CEP290: variants seen among roughly 807,000 people sequenced by gnomAD.
CEP290 encodes centrosomal protein of 290 kDa.
Under a neutral mutation model 344.9 loss-of-function variants are expected in CEP290, and 317 were observed. That is an observed-to-expected ratio of 0.92 (90% CI 0.84 to 1.01). CEP290 has a LOEUF of 1.01. CEP290 is among the 50% of genes least tolerant of loss of function. The pLI, the probability that CEP290 is intolerant of heterozygous loss-of-function variation, is 0.00. For missense variants in CEP290, 2,754 were observed against 2,761.4 expected (o/e 1.00, Z 0.06); for synonymous variants, 932 against 895.8 (o/e 1.04, Z -0.72).
At chr12:88,088,225 A>T (rs147453313) in intron 31 of CEP290, among the ~76,000 whole-genome samples, 129 of 152,328 alleles carry the variant, frequency 8.5e-4, no homozygotes, top group Non-Finnish European at 1.6e-3. Context: ...CACTGACTAT[A>T]AGCAGGTCAT....
intron 11 of CEP290, among the ~76,000 whole-genome samples, chr12:88,127,710 AC>A (rs1222307791): frequency 6.6e-6 from 1 of 152,216 alleles, no homozygotes; most frequent in African/African-American, 2.4e-5. Context: ...GACAATTACA[AC>A]ACTTGCAGCA....
rs953138801 is a variant in CEP290 at position 88,085,481 on chromosome 12, CTTT to C, written c.4437+555_4437+557del. On this transcript the variant is annotated intron_variant, in intron 34 of 53. Coordinates refer to ENST00000552810, the MANE Select transcript of CEP290 (RefSeq NM_025114.4). ...ATGTACAGTTTTACTTGAAAAACTT[CTTT>C]ATGTATATTTTAAATGTATTTGCAG... is the stretch of plus-strand genomic sequence containing the variant. Among the ~76,000 whole-genome samples the C allele has an allele frequency of 7.9e-5, 12 of 152,110 alleles. 1 individual carries two copies. Among genetic ancestry groups the C allele is most frequent in the African/African-American group, 2.4e-4 (10 of 41,552 alleles).
intron 30 of CEP290, 134 bp from the exon 31 acceptor site, chr12:88,089,621 T>C (rs2036865091): frequency 1.8e-6 from 1 of 566,796 alleles, no homozygotes; most frequent in East Asian, 3.1e-5. Flanking sequence ...AAATGTAACT[T>C]TGCTTTAATA....
chr12:88,060,744 A>G (rs1348490165), intron 47 of CEP290, 86 bp downstream of exon 47: 3 of 981,144 alleles, frequency 3.1e-6, no homozygotes, highest in African/African-American at 3.3e-5. Context: ...GCCATTTTAT[A>G]TAGTAATGAG....
chr12:88,123,413 A>G (rs766779085), intron 13 of CEP290, among the ~76,000 whole-genome samples: 5 of 152,126 alleles, frequency 3.3e-5, no homozygotes, highest in Admixed American at 6.6e-5. Context: ...ACCAAAAATG[A>G]CCATTGCTAA....
chr12:88,077,683 A>C lies in CEP290; in HGVS notation c.5586+14T>G, dbSNP rs2035880486. ...TTGTAAATCAGACATTATCAGAGTT[A>C]AATATAAAATTACCTGTAATCCACT... On this transcript the variant is annotated intron_variant, in intron 40 of 53. Transcript: ENST00000552810. The C allele has an allele frequency of 7.2e-7, 1 of 1,386,320 alleles. No individual in the cohort carries two copies. The highest frequency in any genetic ancestry group is 2.3e-5 in the East Asian group (1 of 42,792). The allele number at this position is 1,386,320 out of a possible 1,614,324, so 85.9% of individuals were successfully genotyped here.
At chr12:88,083,709 T>A in intron 36 of CEP290, 138 bp downstream of exon 36, 4 of 632,576 alleles carry the variant, frequency 6.3e-6, no homozygotes, top group Non-Finnish European at 1.1e-5. Context: ...GGAGGAAGAA[T>A]GATCAGAGCT....
intron 22 of CEP290, among the ~76,000 whole-genome samples, chr12:88,110,114 T>C (rs1307099664): frequency 6.6e-6 from 1 of 152,070 alleles, no homozygotes; most frequent in Admixed American, 6.6e-5. Flanking sequence ...TCAAGTATAC[T>C]CACAAATGGA....
intron 37 of CEP290, 51 bp from the exon 38 acceptor site, chr12:88,080,446 T>C (rs2137108571): frequency 1.4e-6 from 2 of 1,392,624 alleles, no homozygotes; most frequent in Non-Finnish European, 2.0e-6. Context: ...TTTAATTTTT[T>C]TGAGACCCAG....
chr12:88,071,347 C>T lies in CEP290; in HGVS notation c.5958G>A (p.Leu1986=), dbSNP rs887373661. 1.9e-6 allele frequency: 3 copies of T among 1,607,990 alleles called. No individual in the cohort carries two copies. Among genetic ancestry groups the T allele is most frequent in the Non-Finnish European group, 2.6e-6 (3 of 1,176,008 alleles). ...CAAGATTTCTCTTTTTTAATTCTTCCAATTCTTTTTCTGACTCCAAAGCTC... is the reference window on the plus strand; with the variant it reads ...CAAGATTTCTCTTTTTTAATTCTTCTAATTCTTTTTCTGACTCCAAAGCTC... ...GIRALESEKE[L]EELKKRNLDL... is the part of the protein sequence containing the mutation. The change falls in exon 43 of 54, where the codon TTG becomes TTA. Residue 1986 remains leucine (L), a synonymous_variant. Coordinates refer to ENST00000552810, the MANE Select transcript of CEP290 (RefSeq NM_025114.4).
chr12:88,106,556 C>A (rs1592588638), intron 25 of CEP290, 119 bp downstream of exon 25: 2 of 637,200 alleles, frequency 3.1e-6, no homozygotes, highest in Non-Finnish European at 5.1e-6. Flanking sequence ...GCAATTATGA[C>A]AAAATGTTAA....
intron 13 of CEP290, among the ~76,000 whole-genome samples, chr12:88,121,486 A>C (rs1049238302): frequency 2.0e-5 from 3 of 152,100 alleles, no homozygotes; most frequent in Non-Finnish European, 4.4e-5. Flanking sequence ...CACTGTACTA[A>C]AACTATGGAT....
intron 41 of CEP290, among the ~76,000 whole-genome samples, chr12:88,074,368 C>T (rs768064738): frequency 2.0e-5 from 3 of 152,144 alleles, no homozygotes; most frequent in Non-Finnish European, 2.9e-5. Context: ...AATCCTGCAG[C>T]ACACAGTACT....
Position 88,117,079 on chromosome 12 carries a change from T to C in CEP290, c.1778A>G (p.Lys593Arg). 6.4e-7 allele frequency: 1 copy of C among 1,561,212 alleles called. No individual in the cohort carries two copies. The highest frequency in any genetic ancestry group is 8.7e-7 in the Non-Finnish European group (1 of 1,149,482). ...ATTTTTGAGGCTCAATAAATCCAAT[T>C]TTCTTTCACTTATTCTATCTCCTTG... is the stretch of plus-strand genomic sequence containing the variant. ...ISQGDRISER[K>R]LDLLSLKNMS... Residue 593 changes from lysine (K) to arginine (R), a missense_variant, in exon 18 of 54, where the codon AAA becomes AGA. Transcript: ENST00000552810.
In CEP290 at chr12:88,058,956, A is replaced by T; in HGVS notation, c.6710T>A (p.Met2237Lys). Residue 2237 changes from methionine (M) to lysine (K), a missense_variant, in exon 49 of 54, where the codon ATG becomes AAG. Transcript: ENST00000552810. The part of the protein sequence containing the change: ...KNNLEILNEK[M>K]TVQLEETGKR... ...ACCAGTCTCTTCTAGTTGAACTGTC[A>T]TCTTCTCATTTAATATCTCTAAATT... 2 of 1,613,586 alleles carry T rather than the reference A, an allele frequency of 1.2e-6. No individual in the cohort carries two copies. The highest frequency in any genetic ancestry group is 1.7e-6 in the Non-Finnish European group (2 of 1,179,702).
At position 88,129,811 on chromosome 12, in the gene CEP290, C is replaced by T. The variant is rs917730125; in HGVS notation, c.735G>A (p.Glu245=). ...QNQEMRKNLE[E]SVQEMEKMTD... is the part of the protein sequence containing the mutation. ...TCATCTTCTCCATTTCCTGTACAGA[C>T]TCTTCTAAATTTTTTCTCATTTCTT... Residue 245 remains glutamate, a synonymous_variant, in exon 10 of 54, where the codon GAG becomes GAA. Coordinates refer to ENST00000552810, the MANE Select transcript of CEP290 (RefSeq NM_025114.4). 3.4e-6 allele frequency: 5 copies of T among 1,469,168 alleles called. No individual in the cohort carries two copies. In the Admixed American group the frequency reaches 8.5e-5, roughly 25 times the overall value. 91.0% of individuals were successfully genotyped at this position (1,469,168 alleles called of 1,614,324 possible). A position where few individuals can be genotyped will look rare whatever the true frequency, so the allele number is the denominator to read the frequency against.
At chr12:88,078,951 G>C (rs2035985104) in intron 39 of CEP290, 141 bp downstream of exon 39, 1 of 556,956 alleles carries the variant, frequency 1.8e-6, no homozygotes, top group African/African-American at 2.0e-5. Context: ...GTTGAAAAAT[G>C]CATGTGTGTG....
At chr12:88,077,657 A>G (rs2035878483) in intron 40 of CEP290, 40 bp downstream of exon 40, 1 of 1,169,834 alleles carries the variant, frequency 8.5e-7, no homozygotes, top group Non-Finnish European at 1.2e-6. Flanking sequence ...CTACCTCTAT[A>G]TTGTAAATCA....
At chr12:88,072,372 A>C (rs925301332) in intron 41 of CEP290, among the ~76,000 whole-genome samples, 1 of 152,132 alleles carries the variant, frequency 6.6e-6, no homozygotes, top group Non-Finnish European at 1.5e-5. Flanking sequence ...GTGCTCAAAA[A>C]ATTTTGTATC....
Sources: allele counts gnomAD v4.1 joint callset (sites outside exome capture counted in the v4.1 genomes callset), GRCh38; gene constraint gnomAD v4.1.1; transcripts MANE v1.5; gene names NCBI Gene and HGNC (gene_info 2026-07-23, HGNC 2026-07-21).